SLC9B1: variants seen among roughly 807,000 people sequenced by gnomAD.
SLC9B1 encodes sodium/hydrogen exchanger 9B1.
A neutral mutation model predicts 51.7 loss-of-function variants in SLC9B1; 32 were observed. The observed-to-expected ratio is 0.62, with a 90% CI of 0.47 to 0.83. The LOEUF (loss-of-function observed/expected upper bound fraction) is 0.83, where lower values mean the gene tolerates loss of function less well. Among genes scored for constraint, SLC9B1 ranks in the 40% least tolerant of loss-of-function variants. SLC9B1 has a pLI of 0.00. For synonymous variants in SLC9B1, 145 were observed against 212.7 expected (o/e 0.68, Z 2.77); for missense variants, 406 against 613.2 (o/e 0.66, Z 3.57).
intron 6 of SLC9B1, among the ~76,000 whole-genome samples, chr4:102,943,117 A>G (rs1490269669): frequency 6.6e-6 from 1 of 151,788 alleles, no homozygotes; most frequent in Non-Finnish European, 1.5e-5. Context: ...AAACAAAACC[A>G]CAATGCAATA....
At chr4:102,993,525 C>T (rs1740059187) in intron 1 of SLC9B1, among the ~76,000 whole-genome samples, 1 of 152,218 alleles carries the variant, frequency 6.6e-6, no homozygotes, top group Non-Finnish European at 1.5e-5. Flanking sequence ...TGAGGGTCTG[C>T]TGCTTTTCCA....
chr4:102,991,176 A>T (rs536679148), intron 2 of SLC9B1, among the ~76,000 whole-genome samples: 22 of 152,104 alleles, frequency 1.4e-4, no homozygotes, highest in Middle Eastern at 3.4e-3. Flanking sequence ...TCTCTATTTT[A>T]AAAAAATACG....
intron 7 of SLC9B1, among the ~76,000 whole-genome samples, chr4:102,930,920 A>T (rs926127044): frequency 6.6e-6 from 1 of 152,020 alleles, no homozygotes; most frequent in Non-Finnish European, 1.5e-5. Flanking sequence ...GTGTAAAACA[A>T]TTCAGGTTAT....
intron 1 of SLC9B1, among the ~76,000 whole-genome samples, chr4:103,009,083 C>A (rs1740960266): frequency 1.3e-5 from 2 of 152,178 alleles, no homozygotes; most frequent in African/African-American, 4.8e-5. Flanking sequence ...CAGGTGTGAG[C>A]CACTGCGCCT....
chr4:103,015,764 C>T (rs1404877665), intron 1 of SLC9B1, among the ~76,000 whole-genome samples: 1 of 152,116 alleles, frequency 6.6e-6, no homozygotes, highest in Admixed American at 6.5e-5. Flanking sequence ...GAAGGTCTCA[C>T]CTCTGACCAC....
intron 11 of SLC9B1, among the ~76,000 whole-genome samples, chr4:102,893,661 C>T (rs1473839997): frequency 1.3e-5 from 2 of 152,212 alleles, no homozygotes; most frequent in East Asian, 3.9e-4. Context: ...CAGTGGCTTA[C>T]ACCTGTAATC....
intron 6 of SLC9B1, among the ~76,000 whole-genome samples, chr4:102,940,134 T>A (rs2110467361): frequency 6.6e-6 from 1 of 152,320 alleles, no homozygotes; most frequent in South Asian, 2.1e-4. Flanking sequence ...CTCCCAGATC[T>A]GACAAATGAC....
intron 1 of SLC9B1, among the ~76,000 whole-genome samples, chr4:102,997,585 A>G (rs946784757): frequency 3.3e-5 from 5 of 152,162 alleles, no homozygotes; most frequent in African/African-American, 1.2e-4. Flanking sequence ...TTCTAAGTAC[A>G]TACATACACA....
At chr4:102,946,148 A>G (rs941054372) in intron 5 of SLC9B1, among the ~76,000 whole-genome samples, 2 of 152,242 alleles carry the variant, frequency 1.3e-5, no homozygotes, top group African/African-American at 2.4e-5. Flanking sequence ...TAGGTGCTAT[A>G]TAAGAGACAT....
rs61227731 is a variant in SLC9B1, at chr4:103,016,134, C to CAAAAAAAAAA, written c.-2+3455_-2+3464dup. ...GGACAACAAGAGCCAAACTCTGTCT[C>CAAAAAAAAAA]AAAAAAAAAAAAAAAAAAAGGAAAG... is the stretch of plus-strand genomic sequence containing the variant. On this transcript the variant is annotated intron_variant, in intron 1 of 11. Transcript: ENST00000296422. Among the ~76,000 whole-genome samples, 14 of 49,620 alleles carry CAAAAAAAAAA rather than the reference C, an allele frequency of 2.8e-4. 1 individual carries two copies. Among genetic ancestry groups the CAAAAAAAAAA allele is most frequent in the Admixed American group, 2.9e-4 (1 of 3,436 alleles). The allele number at this position is 49,620 out of a possible 152,430, so 32.6% of individuals were successfully genotyped here. A position where few individuals can be genotyped will look rare whatever the true frequency, so the allele number is the denominator to read the frequency against.
At position 102,958,383 on chromosome 4, in the gene SLC9B1, C is replaced by T. The variant is rs192340469; in HGVS notation, c.212-8956G>A. Reference sequence around the variant, plus strand: ...CCCAGAAGCAGATGCCTGCATGCTTCCTGTACAGCCTGAAGAACTGTGAGG... The same window carrying T: ...CCCAGAAGCAGATGCCTGCATGCTTTCTGTACAGCCTGAAGAACTGTGAGG... On this transcript the variant is annotated intron_variant, in intron 3 of 11. Coordinates refer to ENST00000296422, the MANE Select transcript of SLC9B1 (RefSeq NM_139173.4). 3.6e-3 allele frequency among the ~76,000 whole-genome samples: 551 copies of T among 152,338 alleles called. 5 individuals carry two copies. Among genetic ancestry groups the T allele is most frequent in the Middle Eastern group, 3.4e-3 (1 of 294 alleles).
intron 3 of SLC9B1, among the ~76,000 whole-genome samples, chr4:102,968,406 G>C (rs907857132): frequency 1.4e-4 from 22 of 152,132 alleles, no homozygotes; most frequent in Non-Finnish European, 2.8e-4. Flanking sequence ...AAAAATATAG[G>C]AGAAAATATT....
At chr4:102,933,779 A>G (rs1736578572) in intron 6 of SLC9B1, among the ~76,000 whole-genome samples, 1 of 152,182 alleles carries the variant, frequency 6.6e-6, no homozygotes, top group African/African-American at 2.4e-5. Context: ...AACACAAAAT[A>G]TCTAAGAAAA....
chr4:102,925,865 G>A (rs1279750082), intron 7 of SLC9B1, among the ~76,000 whole-genome samples: 2 of 152,126 alleles, frequency 1.3e-5, no homozygotes, highest in East Asian at 1.9e-4. Flanking sequence ...CTGGCAAACC[G>A]AATCCAGCAG....
chr4:102,997,554 G>GT lies in SLC9B1; in HGVS notation c.-1-5843dup, dbSNP rs1427907639. Among the ~76,000 whole-genome samples the GT allele has an allele frequency of 4.6e-5, 7 of 152,044 alleles. 1 individual carries two copies. The highest frequency in any genetic ancestry group is 1.7e-4 in the African/African-American group (7 of 41,394). On this transcript the variant is annotated intron_variant, in intron 1 of 11. Coordinates refer to ENST00000296422, the MANE Select transcript of SLC9B1 (RefSeq NM_139173.4). Reference sequence around the variant, plus strand: ...TTGATAAATTCACTTAATTCTAATAGTCTGTAGATTTGTTTGGATTTTCTA... The same window carrying GT: ...TTGATAAATTCACTTAATTCTAATAGTTCTGTAGATTTGTTTGGATTTTCTA...
intron 4 of SLC9B1, among the ~76,000 whole-genome samples, chr4:102,947,712 T>C (rs1352420108): frequency 1.3e-5 from 2 of 152,190 alleles, no homozygotes; most frequent in Non-Finnish European, 2.9e-5. Context: ...ACATCATCAA[T>C]AGGTTATTGG....
rs531036837 is a variant in SLC9B1 at position 103,002,187 on chromosome 4, C to A, written c.-1-10475G>T. 2.0e-5 allele frequency among the ~76,000 whole-genome samples: 3 copies of A among 152,296 alleles called. No homozygotes were observed. The East Asian group carries it at 5.8e-4, about 29-fold the overall frequency. On this transcript the variant is annotated intron_variant, in intron 1 of 11. Coordinates refer to ENST00000296422, the MANE Select transcript of SLC9B1 (RefSeq NM_139173.4). The stretch of plus-strand genomic sequence containing the variant: ...ATTCAAGATGAGATTTGGGTGGGGA[C>A]ACAGGCCCAAACCATATCAGGCATA...
At chr4:102,979,313 T>C (rs905052565) in intron 3 of SLC9B1, among the ~76,000 whole-genome samples, 6 of 152,200 alleles carry the variant, frequency 3.9e-5, no homozygotes, top group Non-Finnish European at 8.8e-5. Context: ...AAGTGAGAAA[T>C]CCATTCCTCT....
At chr4:103,009,174 C>T (rs1220140702) in intron 1 of SLC9B1, among the ~76,000 whole-genome samples, 2 of 152,184 alleles carry the variant, frequency 1.3e-5, no homozygotes, top group Non-Finnish European at 2.9e-5. Context: ...AATAGCAATA[C>T]GTACTTCTTG....
Sources: gnomAD v4.1 joint callset for allele counts (sites outside exome capture counted in the v4.1 genomes callset) on GRCh38, gnomAD v4.1.1 for gene constraint, MANE v1.5 for transcripts, NCBI Gene and HGNC (gene_info 2026-07-23, HGNC 2026-07-21) for gene names.